The following ACTR3 variants were observed in gnomAD, a reference collection of about 807,000 sequenced individuals.
ACTR3 encodes the protein actin-related protein 3.
Under a neutral mutation model 56.8 loss-of-function variants are expected in ACTR3, and 12 were observed. The ratio of observed to expected loss-of-function variants is 0.21; its 90% CI spans 0.14 to 0.34. The LOEUF (loss-of-function observed/expected upper bound fraction) is 0.34. Ranked by LOEUF, ACTR3 falls within the 10% of genes least tolerant of loss-of-function variation. The pLI is 1.00. For missense variants in ACTR3, 282 were observed against 512.5 expected (o/e 0.55, Z 4.34); for synonymous variants, 162 against 167.4 (o/e 0.97, Z 0.25).
intron 3 of ACTR3, among the ~76,000 whole-genome samples, chr2:113,918,294 T>G (rs1046930627): frequency 2.0e-5 from 3 of 152,352 alleles, no homozygotes; most frequent in Admixed American, 2.0e-4. Context: ...AACTTTGTGA[T>G]ATCATTCAGT....
At chr2:113,925,751 A>G (rs1574367538) in intron 3 of ACTR3, among the ~76,000 whole-genome samples, 1 of 152,252 alleles carries the variant, frequency 6.6e-6, no homozygotes, top group South Asian at 2.1e-4. Flanking sequence ...GGGGAGTAGA[A>G]GTCCTTTTAT....
At chr2:113,921,697 G>T (rs1397887657) in intron 3 of ACTR3, among the ~76,000 whole-genome samples, 1 of 152,112 alleles carries the variant, frequency 6.6e-6, no homozygotes, top group Non-Finnish European at 1.5e-5. Context: ...CTTTTGACTG[G>T]GTAGTGTAGA....
intron 1 of ACTR3, among the ~76,000 whole-genome samples, chr2:113,912,188 T>A (rs1214801080): frequency 2.0e-5 from 3 of 152,112 alleles, no homozygotes; most frequent in African/African-American, 7.2e-5. Context: ...CAGCAGATTT[T>A]TTTTTTTCAT....
chr2:113,934,400 A>G lies in ACTR3; in HGVS notation c.540+14A>G, dbSNP rs1223122921. The G allele has an allele frequency of 2.0e-6, 3 of 1,480,382 alleles. No individual in the cohort carries two copies. The highest frequency in any genetic ancestry group is 2.3e-5 in the East Asian group (1 of 43,430). 91.7% of individuals were successfully genotyped at this position (1,480,382 alleles called of 1,614,324 possible). ...GTCATTCCTGTGGTAAGGCTATTTT[A>G]CAGTTACTGAACAGAACATGAAATA... On this transcript the variant is annotated intron_variant, in intron 6 of 11. Coordinates refer to ENST00000263238, the MANE Select transcript of ACTR3 (RefSeq NM_005721.5).
intron 1 of ACTR3, among the ~76,000 whole-genome samples, chr2:113,900,299 C>T (rs1351276290): frequency 6.6e-6 from 1 of 152,172 alleles, no homozygotes; most frequent in African/African-American, 2.4e-5. Context: ...TACCTCTACC[C>T]TCAACCCTTA....
Position 113,931,396 on chromosome 2 carries a change from G to A in ACTR3, c.432G>A (p.Gln144=). 3 of 1,559,630 alleles carry A rather than the reference G, an allele frequency of 1.9e-6. No homozygotes were observed. Among genetic ancestry groups the A allele is most frequent in the Non-Finnish European group, 1.7e-6 (2 of 1,152,780 alleles). ...FNVPGLYIAV[Q]AVLALAASWT... ...TTCCAGGCTTGTACATTGCTGTGCA[G>A]GTAAGCAAGTTCATACTTTCTAAGT... The change falls in exon 5 of 12, where the codon CAG becomes CAA. Residue 144 remains glutamine (Q), a splice_region_variant and synonymous_variant. Coordinates refer to ENST00000263238, the MANE Select transcript of ACTR3 (RefSeq NM_005721.5).
At chr2:113,956,770 A>G (rs1013979410) in intron 11 of ACTR3, among the ~76,000 whole-genome samples, 1 of 152,196 alleles carries the variant, frequency 6.6e-6, no homozygotes, top group Non-Finnish European at 1.5e-5. Flanking sequence ...TGGATTTAAA[A>G]CCATTTCCAA....
intron 3 of ACTR3, among the ~76,000 whole-genome samples, chr2:113,925,561 T>C (rs932590779): frequency 2.6e-5 from 4 of 152,228 alleles, no homozygotes; most frequent in Non-Finnish European, 4.4e-5. Context: ...TTTGCTAGAC[T>C]GAGTTTTTTG....
intron 5 of ACTR3, among the ~76,000 whole-genome samples, chr2:113,931,885 C>T (rs539184566): frequency 6.6e-6 from 1 of 151,544 alleles, no homozygotes; most frequent in Admixed American, 6.6e-5. Flanking sequence ...TCAGAGCTGA[C>T]CTCATTTTTT....
chr2:113,929,581 A>G (rs140046333), intron 4 of ACTR3, among the ~76,000 whole-genome samples: 4 of 152,094 alleles, frequency 2.6e-5, no homozygotes, highest in African/African-American at 9.6e-5. Flanking sequence ...TTTTAGGGAA[A>G]CTCATGGGAA....
At chr2:113,928,950 A>G (rs1679668535) in intron 4 of ACTR3, among the ~76,000 whole-genome samples, 1 of 152,188 alleles carries the variant, frequency 6.6e-6, no homozygotes. Flanking sequence ...TTGAGTGTCA[A>G]ATAATGGAAT....
chr2:113,918,846 G>C (rs1329756040), intron 3 of ACTR3, among the ~76,000 whole-genome samples: 1 of 152,228 alleles, frequency 6.6e-6, no homozygotes, highest in Non-Finnish European at 1.5e-5. Context: ...AGGTAAGCAT[G>C]ATTCTGGGAA....
At chr2:113,900,879 C>T (rs1032888567) in intron 1 of ACTR3, among the ~76,000 whole-genome samples, 3 of 152,182 alleles carry the variant, frequency 2.0e-5, no homozygotes, top group Admixed American at 2.0e-4. Flanking sequence ...ATTTTTGTGT[C>T]AGGTTAAACA....
Position 113,896,287 on chromosome 2 carries a change from G to T in ACTR3, c.44+5964G>T, listed in dbSNP as rs562403199. 3.9e-5 allele frequency among the ~76,000 whole-genome samples: 6 copies of T among 152,104 alleles called. 1 individual carries two copies. The highest frequency in any genetic ancestry group is 1.4e-4 in the African/African-American group (6 of 41,498). On this transcript the variant is annotated intron_variant, in intron 1 of 11. Transcript: ENST00000263238. ...GGCTTTCTTTTTTTTTTGAGTTTCA[G>T]TTCTTAAAGAAAGGAATACAGTGTG... is the stretch of plus-strand genomic sequence containing the variant.
chr2:113,897,910 T>A (rs1034448560), intron 1 of ACTR3, among the ~76,000 whole-genome samples: 1 of 152,164 alleles, frequency 6.6e-6, no homozygotes, highest in Non-Finnish European at 1.5e-5. Flanking sequence ...AAACGTTTTA[T>A]TTTTAAACAT....
intron 1 of ACTR3, among the ~76,000 whole-genome samples, chr2:113,896,885 C>T (rs372994787): frequency 4.6e-5 from 7 of 152,304 alleles, no homozygotes; most frequent in African/African-American, 1.7e-4. Context: ...AGCTAAATTT[C>T]CCTTGTCCAG....
chr2:113,932,296 AG>A (rs1211971165), intron 5 of ACTR3, among the ~76,000 whole-genome samples: 1 of 152,224 alleles, frequency 6.6e-6, no homozygotes, highest in Non-Finnish European at 1.5e-5. Flanking sequence ...ACTTTATAGA[AG>A]AATTCAGTCT....
At chr2:113,953,722 G>A (rs1447927564) in intron 10 of ACTR3, 3 of 152,040 alleles carry the variant, frequency 2.0e-5, no homozygotes, top group Non-Finnish European at 2.9e-5. Context: ...AGATATGATG[G>A]TTCATTATCC....
At chr2:113,951,923 C>G in intron 10 of ACTR3, 78 bp downstream of exon 10, 1 of 1,568,826 alleles carries the variant, frequency 6.4e-7, no homozygotes, top group Non-Finnish European at 8.7e-7. Flanking sequence ...CCAGCATTCA[C>G]TCTGATTTAG....
Sources: allele counts gnomAD v4.1 joint callset (sites outside exome capture counted in the v4.1 genomes callset), GRCh38; gene constraint gnomAD v4.1.1; transcripts MANE v1.5; gene names NCBI Gene and HGNC (gene_info 2026-07-23, HGNC 2026-07-21).